The following XIRP2 variants were observed in gnomAD, a reference collection of about 807,000 sequenced individuals.
XIRP2 encodes xin actin binding repeat containing 2, also known as xin actin-binding repeat-containing protein 2.
A neutral mutation model predicts 277.0 loss-of-function variants in XIRP2; 236 were observed. That is an observed-to-expected ratio of 0.85 (90% confidence interval 0.77 to 0.95). XIRP2 has a LOEUF of 0.95. Among genes scored for constraint, XIRP2 ranks in the 40% least tolerant of loss-of-function variants. The pLI is 0.00. For synonymous variants in XIRP2, 1,490 were observed against 1,416.5 expected, an observed-to-expected ratio of 1.05 and a Z score of -1.17; for missense variants, 4,640 against 4,157.5, an observed-to-expected ratio of 1.12 and a Z score of -3.19.
intron 2 of XIRP2, among the ~76,000 whole-genome samples, chr2:167,025,150 C>T (rs1688114594): frequency 6.6e-6 from 1 of 152,106 alleles, no homozygotes; most frequent in African/African-American, 2.4e-5. Flanking sequence ...TTGGTCTATT[C>T]AGAGATTCAA....
At chr2:167,133,490 A>T (rs980460293) in intron 2 of XIRP2, among the ~76,000 whole-genome samples, 1 of 152,210 alleles carries the variant, frequency 6.6e-6, no homozygotes, top group Non-Finnish European at 1.5e-5. Flanking sequence ...GTGAATTCCA[A>T]AATGAGAATA....
intron 5 of XIRP2, among the ~76,000 whole-genome samples, chr2:167,233,239 TA>T (rs779720652): frequency 6.6e-6 from 1 of 151,922 alleles, no homozygotes; most frequent in Non-Finnish European, 1.5e-5. Context: ...TAGTGAGGAA[TA>T]ATTGAGGCAT....
At chr2:167,023,273 A>C (rs1276519649) in intron 2 of XIRP2, among the ~76,000 whole-genome samples, 1 of 151,992 alleles carries the variant, frequency 6.6e-6, no homozygotes, top group Non-Finnish European at 1.5e-5. Flanking sequence ...GTGTCTGTTC[A>C]TGTCCTTCAC....
chr2:167,017,060 T>C (rs1020699098), intron 2 of XIRP2, among the ~76,000 whole-genome samples: 3 of 151,894 alleles, frequency 2.0e-5, no homozygotes, highest in African/African-American at 7.3e-5. Flanking sequence ...CTCTCACAGC[T>C]GCCATAGTTC....
chr2:166,939,699 C>A (rs78145788), intron 2 of XIRP2, among the ~76,000 whole-genome samples: 11,794 of 118,126 alleles, frequency 0.1, 746 homozygotes, highest in African/African-American at 0.13. Context: ...AAAAAAAAAA[C>A]AAAAAACAAA....
At chr2:167,202,912 A>T (rs1693762442) in intron 3 of XIRP2, among the ~76,000 whole-genome samples, 1 of 152,176 alleles carries the variant, frequency 6.6e-6, no homozygotes, top group Admixed American at 6.5e-5. Flanking sequence ...CCCAGGTTCC[A>T]GAAGCTGCCT....
At chr2:166,935,685 A>G (rs1685477743) in intron 2 of XIRP2, among the ~76,000 whole-genome samples, 1 of 152,150 alleles carries the variant, frequency 6.6e-6, no homozygotes, top group African/African-American at 2.4e-5. Flanking sequence ...TGCCTGTGAT[A>G]GTTTGCTGAG....
chr2:167,001,350 G>T (rs1687364217), intron 2 of XIRP2, among the ~76,000 whole-genome samples: 1 of 152,044 alleles, frequency 6.6e-6, no homozygotes, highest in Admixed American at 6.6e-5. Context: ...AAAGAAATTT[G>T]CTGATTCAGA....
chr2:167,246,336 T>A lies in XIRP2; in HGVS notation c.4944T>A (p.His1648Gln). 1 of 1,612,624 alleles carries A rather than the reference T, an allele frequency of 6.2e-7. No homozygotes were observed. The highest frequency in any genetic ancestry group is 8.5e-7 in the Non-Finnish European group (1 of 1,179,556). The change falls in exon 9 of 11, where the codon CAT (histidine) becomes CAA (glutamine). Residue 1648 changes from histidine to glutamine, a missense_variant. His to Gln is a conservative substitution (Grantham distance 24). Coordinates refer to ENST00000409195, the MANE Select transcript of XIRP2 (RefSeq NM_152381.6). ...TATTAAACAGATCAACTGAATTTCATGCTGAAAAAGAAGAGATAGTGAAAG... is the reference window on the plus strand; with the variant it reads ...TATTAAACAGATCAACTGAATTTCAAGCTGAAAAAGAAGAGATAGTGAAAG... Reference protein sequence around the residue: ...TQLLNRSTEFHAEKEEIVKGD... With the variant: ...TQLLNRSTEFQAEKEEIVKGD...
At chr2:167,087,702 T>A (rs1392078260) in intron 2 of XIRP2, among the ~76,000 whole-genome samples, 1 of 152,198 alleles carries the variant, frequency 6.6e-6, no homozygotes, top group East Asian at 1.9e-4. Context: ...GTGACCCGAT[T>A]TTCCAGGTGC....
chr2:167,188,454 C>T (rs1693227988), intron 3 of XIRP2, among the ~76,000 whole-genome samples: 1 of 152,188 alleles, frequency 6.6e-6, no homozygotes, highest in Non-Finnish European at 1.5e-5. Flanking sequence ...TGGTCACTGA[C>T]AAGCTGTAGT....
At chr2:167,037,701 AAAAT>A (rs1272358486) in intron 2 of XIRP2, among the ~76,000 whole-genome samples, 3 of 152,030 alleles carry the variant, frequency 2.0e-5, no homozygotes, top group Non-Finnish European at 2.9e-5. Context: ...GCTTTGTACT[AAAAT>A]AAATAAATAA....
intron 2 of XIRP2, among the ~76,000 whole-genome samples, chr2:166,975,313 T>A (rs974414170): frequency 6.6e-6 from 1 of 152,138 alleles, no homozygotes; most frequent in Non-Finnish European, 1.5e-5. Flanking sequence ...TTGACATTTG[T>A]GGAACAATAC....
intron 3 of XIRP2, among the ~76,000 whole-genome samples, chr2:167,205,241 G>A (rs1486680752): frequency 6.6e-6 from 1 of 152,108 alleles, no homozygotes; most frequent in Non-Finnish European, 1.5e-5. Flanking sequence ...CAACTATACT[G>A]AAAGCCCTGA....
Position 167,258,435 on chromosome 2 carries a change from A to C in XIRP2, c.*618A>C, listed in dbSNP as rs1695729147. The C allele has an allele frequency of 1.2e-6, 2 of 1,613,300 alleles. No homozygotes were observed. Among genetic ancestry groups the C allele is most frequent in the Non-Finnish European group, 1.7e-6 (2 of 1,179,660 alleles). On this transcript the variant is annotated 3_prime_UTR_variant, in exon 11 of 11. Coordinates refer to ENST00000409195, the MANE Select transcript of XIRP2 (RefSeq NM_152381.6). The stretch of plus-strand genomic sequence containing the variant: ...AAAATGCCTGAAGGAAGAAAAGATG[A>C]AAAGAAGGAAGGAAGGAAGAATGTG...
At chr2:167,138,921 G>T (rs1243395353) in intron 3 of XIRP2, among the ~76,000 whole-genome samples, 1 of 151,924 alleles carries the variant, frequency 6.6e-6, no homozygotes, top group Non-Finnish European at 1.5e-5. Context: ...ACAAAAATTA[G>T]CTGGGCATGA....
rs547891143 is a variant in XIRP2 at position 167,206,713 on chromosome 2, C to A, written c.563-4022C>A. 1.2e-4 allele frequency among the ~76,000 whole-genome samples: 19 copies of A among 152,242 alleles called. No homozygotes were observed. In the South Asian group the frequency reaches 3.9e-3, roughly 32 times the overall value. On this transcript the variant is annotated intron_variant, in intron 3 of 10. Coordinates refer to ENST00000409195, the MANE Select transcript of XIRP2 (RefSeq NM_152381.6). Reference sequence around the variant, plus strand: ...CACACAAATTTAAGCAATGTTTAAGCCACTTTTAAAGCACCTAGTATTAAT... The same window carrying A: ...CACACAAATTTAAGCAATGTTTAAGACACTTTTAAAGCACCTAGTATTAAT...
intron 2 of XIRP2, among the ~76,000 whole-genome samples, chr2:166,915,519 G>A (rs1484044946): frequency 3.3e-5 from 5 of 152,068 alleles, no homozygotes; most frequent in Admixed American, 3.3e-4. Flanking sequence ...AGAACAGGAA[G>A]GTGAAAGTTC....
chr2:167,013,925 A>G (rs1407375738), intron 2 of XIRP2, among the ~76,000 whole-genome samples: 1 of 151,236 alleles, frequency 6.6e-6, no homozygotes, highest in Non-Finnish European at 1.5e-5. Context: ...CTCAGTATCT[A>G]GTATCTGTTT....
Sources: gnomAD v4.1 joint callset for allele counts (sites outside exome capture counted in the v4.1 genomes callset) on GRCh38, gnomAD v4.1.1 for gene constraint, MANE v1.5 for transcripts, NCBI Gene and HGNC (gene_info 2026-07-23, HGNC 2026-07-21) for gene names.